The following GHITM variants were observed in gnomAD, a reference collection of about 807,000 sequenced individuals.
GHITM encodes the protein growth hormone inducible transmembrane protein.
A neutral mutation model predicts 38.7 loss-of-function variants in GHITM; 24 were observed. The observed-to-expected ratio is 0.62, with a 90% CI of 0.45 to 0.87. GHITM has a LOEUF of 0.87. Among genes scored for constraint, GHITM ranks in the 40% least tolerant of loss-of-function variants. The pLI, the probability that GHITM is intolerant of heterozygous loss-of-function variation, is 0.00. For synonymous variants in GHITM, 154 were observed against 147.8 expected, an observed-to-expected ratio of 1.04 and a Z score of -0.30; for missense variants, 420 against 429.8, an observed-to-expected ratio of 0.98 and a Z score of 0.20.
At chr10:84,140,972 T>C (rs967215740) in intron 1 of GHITM, among the ~76,000 whole-genome samples, 1 of 152,236 alleles carries the variant, frequency 6.6e-6, no homozygotes, top group African/African-American at 2.4e-5. Context: ...TGGCTTCTTT[T>C]AATACCTTTT....
At chr10:84,141,141 CTG>C (rs1841502021) in intron 1 of GHITM, among the ~76,000 whole-genome samples, 1 of 152,220 alleles carries the variant, frequency 6.6e-6, no homozygotes, top group Non-Finnish European at 1.5e-5. Flanking sequence ...ATCACAGACT[CTG>C]TAATCACGTC....
Position 84,150,069 on chromosome 10 carries a change from G to A in GHITM, c.607G>A (p.Val203Met), listed in dbSNP as rs755148368. 1 of 1,595,104 alleles carries A rather than the reference G, an allele frequency of 6.3e-7. No homozygotes were observed. The highest frequency in any genetic ancestry group is 8.6e-7 in the Non-Finnish European group (1 of 1,167,752). The change falls in exon 7 of 9, where the codon GTG becomes ATG. Residue 203 changes from valine (V) to methionine (M), a missense_variant. Val to Met is a conservative substitution (Grantham distance 21). Coordinates refer to ENST00000372134, the MANE Select transcript of GHITM (RefSeq NM_014394.3). ...TCTTTCTCCAGGTGTGATGGGTGCA[G>A]TGGTGGCTCCTCTGACAATATTAGG... ...WLLHSGVMGAVVAPLTILGGP... is the reference protein window; with the variant it reads ...WLLHSGVMGAMVAPLTILGGP...
intron 3 of GHITM, 96 bp from the exon 4 acceptor site, chr10:84,143,899 T>A: frequency 1.1e-6 from 1 of 893,570 alleles, no homozygotes. Context: ...TGGCTTCTAT[T>A]AAATATGGTA....
chr10:84,141,613 TG>T lies in GHITM; in HGVS notation c.114del (p.Leu39Ter), dbSNP rs752456734. The part of the protein sequence containing the change: ...VKNSITKNQW[L>X]LTPSREYATK... ...AATTCCATCACGAAGAATCAATGGC[TG>T]TTAACACCTAGCAGGGTAAAGATAA... On this transcript the variant is annotated frameshift_variant, in exon 2 of 9. Coordinates refer to ENST00000372134, the MANE Select transcript of GHITM (RefSeq NM_014394.3). LOFTEE classifies it high-confidence loss of function. 6.2e-7 allele frequency: 1 copy of T among 1,613,828 alleles called. No homozygotes were observed. Among genetic ancestry groups the T allele is most frequent in the South Asian group, 1.1e-5 (1 of 91,084 alleles).
intron 8 of GHITM, among the ~76,000 whole-genome samples, chr10:84,151,139 G>C (rs1222947256): frequency 6.6e-6 from 1 of 152,154 alleles, no homozygotes; most frequent in Non-Finnish European, 1.5e-5. Flanking sequence ...TCTTGTTACT[G>C]CTGGCAGTCC....
chr10:84,150,682 A>C, intron 7 of GHITM, 27 bp from the exon 8 acceptor site: 2 of 1,559,056 alleles, frequency 1.3e-6, no homozygotes, highest in Non-Finnish European at 8.7e-7. Context: ...TTTTAAAAAA[A>C]ATCTTGTTTT....
chr10:84,150,874 TTAACTCGTAAG>T lies in GHITM; in HGVS notation c.951_953+8del. ...TATGGAGTTCAAAAATATGATCCCA[TTAACTCGTAAG>T]TAATGCTTTTTATTTAACACTGTTA... On this transcript the variant is annotated splice_donor_variant and splice_donor_5th_base_variant and coding_sequence_variant and intron_variant, in exon 8 of 9. Transcript: ENST00000372134. LOFTEE classifies it high-confidence loss of function. 2 of 1,594,658 alleles carry T rather than the reference TTAACTCGTAAG, an allele frequency of 1.3e-6. No homozygotes were observed. The highest frequency in any genetic ancestry group is 1.7e-6 in the Non-Finnish European group (2 of 1,163,420).
At position 84,150,073 on chromosome 10, in the gene GHITM, T is replaced by G. The variant is rs1358653452; in HGVS notation, c.611T>G (p.Val204Gly). Residue 204 changes from valine (V) to glycine (G), a missense_variant, in exon 7 of 9, where the codon GTG (valine) becomes GGG (glycine). Val to Gly is a moderately radical substitution (Grantham distance 109). Coordinates refer to ENST00000372134, the MANE Select transcript of GHITM (RefSeq NM_014394.3). ...LLHSGVMGAVVAPLTILGGPL... is the reference protein window; with the variant it reads ...LLHSGVMGAVGAPLTILGGPL... Reference sequence around the variant, plus strand: ...TCTCCAGGTGTGATGGGTGCAGTGGTGGCTCCTCTGACAATATTAGGGGGT... The same window carrying G: ...TCTCCAGGTGTGATGGGTGCAGTGGGGGCTCCTCTGACAATATTAGGGGGT... 2 of 1,598,662 alleles carry G rather than the reference T, an allele frequency of 1.3e-6. No homozygotes were observed. Among genetic ancestry groups the G allele is most frequent in the African/African-American group, 2.7e-5 (2 of 74,496 alleles).
intron 1 of GHITM, among the ~76,000 whole-genome samples, chr10:84,141,181 A>C (rs1351413819): frequency 6.6e-6 from 1 of 152,194 alleles, no homozygotes; most frequent in Non-Finnish European, 1.5e-5. Context: ...TCTGTGTTAC[A>C]CATAATTTTT....
intron 5 of GHITM, among the ~76,000 whole-genome samples, chr10:84,148,229 C>G (rs1841575761): frequency 6.6e-6 from 1 of 151,668 alleles, no homozygotes; most frequent in South Asian, 2.1e-4. Context: ...AGCCAAAACT[C>G]TGAAATAAAC....
Position 84,153,509 on chromosome 10 carries a change from A to G in GHITM, c.*1161A>G, listed in dbSNP as rs1039439809. ...CCATTACTTTCTTGAGACATTTGTA[A>G]GTTCTTTGATACAGAAGAGTTATAT... On this transcript the variant is annotated 3_prime_UTR_variant, in exon 9 of 9. Coordinates refer to ENST00000372134, the MANE Select transcript of GHITM (RefSeq NM_014394.3). 2.6e-5 allele frequency among the ~76,000 whole-genome samples: 4 copies of G among 152,196 alleles called. No individual in the cohort carries two copies. Among genetic ancestry groups the G allele is most frequent in the African/African-American group, 7.2e-5 (3 of 41,458 alleles).
intron 5 of GHITM, 69 bp downstream of exon 5, chr10:84,145,085 G>C: frequency 1.6e-6 from 2 of 1,250,336 alleles, no homozygotes; most frequent in Non-Finnish European, 2.2e-6. Context: ...ATATTGGAGG[G>C]AAGGGTTATT....
At position 84,144,119 on chromosome 10, in the gene GHITM, T is replaced by C. The variant is rs1358994395; in HGVS notation, c.341+13T>C. 1.3e-6 allele frequency: 2 copies of C among 1,544,968 alleles called. No individual in the cohort carries two copies. The highest frequency in any genetic ancestry group is 3.3e-5 in the Admixed American group (2 of 59,896). ...TTGAAAAGGCTGTGTAAGTAAATTGTTTTAAGTAAACTGTTCCTAAACAAC... is the reference window on the plus strand; with the variant it reads ...TTGAAAAGGCTGTGTAAGTAAATTGCTTTAAGTAAACTGTTCCTAAACAAC... On this transcript the variant is annotated intron_variant, in intron 4 of 8. Transcript: ENST00000372134.
chr10:84,152,027 G>C (rs1013719265), intron 8 of GHITM, among the ~76,000 whole-genome samples: 1 of 152,116 alleles, frequency 6.6e-6, no homozygotes, highest in Non-Finnish European at 1.5e-5. Context: ...GAGTGTCAGA[G>C]AATAAAATAA....
chr10:84,145,293 G>A (rs1841546792), intron 5 of GHITM, among the ~76,000 whole-genome samples: 1 of 152,174 alleles, frequency 6.6e-6, no homozygotes, highest in South Asian at 2.1e-4. Flanking sequence ...CAACAATGAA[G>A]TGTAATGATA....
chr10:84,145,054 G>T, intron 5 of GHITM, 38 bp downstream of exon 5: 1 of 1,525,246 alleles, frequency 6.6e-7, no homozygotes, highest in Non-Finnish European at 9.0e-7. Context: ...TTCATCTAAA[G>T]ATCAAAAGAT....
chr10:84,151,468 G>T (rs1172127090), intron 8 of GHITM, among the ~76,000 whole-genome samples: 1 of 152,130 alleles, frequency 6.6e-6, no homozygotes, highest in Non-Finnish European at 1.5e-5. Flanking sequence ...AATAAATAAT[G>T]TGCTCTTACT....
intron 8 of GHITM, among the ~76,000 whole-genome samples, chr10:84,151,477 C>T (rs995337690): frequency 6.6e-6 from 1 of 152,134 alleles, no homozygotes; most frequent in African/African-American, 2.4e-5. Flanking sequence ...TGTGCTCTTA[C>T]TGCTCAGTTA....
chr10:84,142,811 C>T (rs941829131), intron 3 of GHITM, 57 bp downstream of exon 3: 1 of 859,362 alleles, frequency 1.2e-6, no homozygotes. Context: ...TTAAGAGGTC[C>T]ATGAACAACT....
Sources: allele counts gnomAD v4.1 joint callset (sites outside exome capture counted in the v4.1 genomes callset), GRCh38; gene constraint gnomAD v4.1.1; transcripts MANE v1.5; gene names NCBI Gene and HGNC (gene_info 2026-07-23, HGNC 2026-07-21).